Variants in LPP observed in about 807,000 individuals in gnomAD.
The protein encoded by LPP is LIM domain containing preferred translocation partner in lipoma.
Under a neutral mutation model 60.4 loss-of-function variants are expected in LPP, and 38 were observed. The ratio of observed to expected loss-of-function variants is 0.63; its 90% CI spans 0.49 to 0.83. LPP has a LOEUF of 0.83. LPP is among the 40% of genes least tolerant of loss of function. The probability of loss-of-function intolerance (pLI) is 0.00; values close to 1 mark genes in which losing one functional copy is unlikely to be tolerated. For missense variants in LPP, 902 were observed against 783.6 expected, an observed-to-expected ratio of 1.15 and a Z score of -1.80; for synonymous variants, 328 against 290.8, an observed-to-expected ratio of 1.13 and a Z score of -1.30.
chr3:188,462,592 G>GTGTGTA (rs1799367614), intron 4 of LPP, among the ~76,000 whole-genome samples: 1 of 4,804 alleles, frequency 2.1e-4, no homozygotes, highest in Non-Finnish European at 3.6e-4. Flanking sequence ...ATATGCATGT[G>GTGTGTA]TGTGTGTGTG....
intron 6 of LPP, among the ~76,000 whole-genome samples, chr3:188,544,805 G>A (rs540435292): frequency 1.7e-4 from 4 of 23,352 alleles, no homozygotes; most frequent in African/African-American, 7.1e-4. Context: ...ACATGCACAC[G>A]TATGTTTATT....
chr3:188,268,877 T>A (rs985153645), intron 2 of LPP, among the ~76,000 whole-genome samples: 1 of 152,108 alleles, frequency 6.6e-6, no homozygotes, highest in Non-Finnish European at 1.5e-5. Flanking sequence ...TTTACAGGCC[T>A]ATTTCATCTT....
chr3:188,554,100 A>T (rs1180195329), intron 6 of LPP: 1 of 152,172 alleles, frequency 6.6e-6, no homozygotes, highest in African/African-American at 2.4e-5. Flanking sequence ...AAATAAATAC[A>T]TTTGAAGGAA....
At chr3:188,475,051 T>C (rs1261400327) in intron 4 of LPP, among the ~76,000 whole-genome samples, 1 of 152,256 alleles carries the variant, frequency 6.6e-6, no homozygotes, top group African/African-American at 2.4e-5. Flanking sequence ...ATTGAATTTG[T>C]TATCCAACCA....
intron 9 of LPP, among the ~76,000 whole-genome samples, chr3:188,761,837 A>G (rs114136934): frequency 0.01 from 1,536 of 152,326 alleles, 11 homozygotes; most frequent in Middle Eastern, 0.068. Context: ...GAAAAAAGAA[A>G]GGCATTACAT....
intron 8 of LPP, among the ~76,000 whole-genome samples, chr3:188,749,412 A>G (rs1201961573): frequency 6.6e-6 from 1 of 152,192 alleles, no homozygotes; most frequent in East Asian, 1.9e-4. Flanking sequence ...GCTACTTTCT[A>G]AATTTTCTAC....
At chr3:188,212,998 A>C (rs1156742867) in intron 1 of LPP, 1 of 152,194 alleles carries the variant, frequency 6.6e-6, no homozygotes, top group Non-Finnish European at 1.5e-5. Context: ...GTGGGATTTC[A>C]AGACAAGATC....
intron 7 of LPP, among the ~76,000 whole-genome samples, chr3:188,687,843 C>A (rs1260481770): frequency 6.8e-6 from 1 of 147,488 alleles, no homozygotes; most frequent in African/African-American, 2.5e-5. Flanking sequence ...GGCACGATCT[C>A]GGCTCACTGC....
chr3:188,280,933 A>ATT lies in LPP; in HGVS notation c.-67+55424_-67+55425dup, dbSNP rs71298542. ...GGGCTAATGATAGGACGACAAAGGA[A>ATT]TTTTTTTTTTTTTTTTTTTAAGAGG... On this transcript the variant is annotated intron_variant, in intron 2 of 11. Coordinates refer to ENST00000617246, the MANE Select transcript of LPP (RefSeq NM_001375462.1). 2.4e-3 allele frequency among the ~76,000 whole-genome samples: 345 copies of ATT among 141,392 alleles called. 2 individuals carry two copies. Among genetic ancestry groups the ATT allele is most frequent in the Middle Eastern group, 3.6e-3 (1 of 278 alleles). 92.8% of individuals were successfully genotyped at this position (141,392 alleles called of 152,430 possible).
At chr3:188,320,455 T>G (rs144388797) in intron 2 of LPP, among the ~76,000 whole-genome samples, 2 of 152,268 alleles carry the variant, frequency 1.3e-5, no homozygotes, top group Admixed American at 6.5e-5. Flanking sequence ...ACTTACCCAG[T>G]AAACAACCCA....
At chr3:188,197,365 G>A (rs1165286605) in intron 1 of LPP, among the ~76,000 whole-genome samples, 3 of 152,048 alleles carry the variant, frequency 2.0e-5, no homozygotes, top group Admixed American at 6.6e-5. Flanking sequence ...AGTCCCTTTG[G>A]GCTAGTGTCT....
chr3:188,776,980 A>T (rs1263633472), intron 9 of LPP, among the ~76,000 whole-genome samples: 1 of 152,218 alleles, frequency 6.6e-6, no homozygotes, highest in Admixed American at 6.5e-5. Context: ...ACGACTCCCA[A>T]TTCCCTGAGT....
chr3:188,627,598 G>A (rs138767415), intron 7 of LPP, among the ~76,000 whole-genome samples: 34 of 152,088 alleles, frequency 2.2e-4, no homozygotes, highest in Non-Finnish European at 4.1e-4. Context: ...AGACTTAACA[G>A]TTCTAAGTAT....
chr3:188,729,715 G>A (rs13071641), intron 8 of LPP, among the ~76,000 whole-genome samples: 1 of 152,024 alleles, frequency 6.6e-6, no homozygotes, highest in Non-Finnish European at 1.5e-5. Context: ...AGTGGCTCAC[G>A]CTTATAATCC....
At chr3:188,168,853 C>T (rs1177678885) in intron 1 of LPP, among the ~76,000 whole-genome samples, 1 of 152,194 alleles carries the variant, frequency 6.6e-6, no homozygotes, top group East Asian at 1.9e-4. Context: ...AAGTTAATCA[C>T]CACAGTTGGT....
intron 7 of LPP, among the ~76,000 whole-genome samples, chr3:188,612,458 G>A (rs1430040613): frequency 1.3e-5 from 2 of 152,116 alleles, no homozygotes; most frequent in Non-Finnish European, 1.5e-5. Flanking sequence ...AATGAGCTCC[G>A]AATTCTTATC....
At chr3:188,323,709 G>C (rs1757579084) in intron 2 of LPP, among the ~76,000 whole-genome samples, 1 of 152,228 alleles carries the variant, frequency 6.6e-6, no homozygotes, top group Non-Finnish European at 1.5e-5. Flanking sequence ...TAGAGTCTAT[G>C]AATCAAGATT....
intron 9 of LPP, among the ~76,000 whole-genome samples, chr3:188,803,989 A>G (rs1748136640): frequency 1.3e-5 from 2 of 151,446 alleles, no homozygotes; most frequent in Non-Finnish European, 2.9e-5. Flanking sequence ...ATTGTTTTAT[A>G]TTTTTCAGCG....
intron 6 of LPP, among the ~76,000 whole-genome samples, chr3:188,569,816 A>G (rs1287463850): frequency 1.3e-5 from 2 of 152,046 alleles, no homozygotes; most frequent in East Asian, 3.9e-4. Flanking sequence ...GAAGAGGGAT[A>G]TTTGGCAAAA....
Sources: allele counts gnomAD v4.1 joint callset (sites outside exome capture counted in the v4.1 genomes callset), GRCh38; gene constraint gnomAD v4.1.1; transcripts MANE v1.5; gene names NCBI Gene and HGNC (gene_info 2026-07-23, HGNC 2026-07-21).